SYT1: variants seen among roughly 807,000 people sequenced by gnomAD.
SYT1 encodes synaptotagmin-1.
SYT1 carries 8 observed loss-of-function variants against 44.8 expected under a neutral mutation model. The ratio of observed to expected loss-of-function variants is 0.18; its 90% CI spans 0.10 to 0.32. SYT1 has a LOEUF of 0.32. SYT1 is among the 10% of genes least tolerant of loss of function. The pLI, the probability that SYT1 is intolerant of heterozygous loss-of-function variation, is 1.00. For missense variants in SYT1, 286 were observed against 509.3 expected, an observed-to-expected ratio of 0.56 and a Z score of 4.22; for synonymous variants, 154 against 188.8, an observed-to-expected ratio of 0.82 and a Z score of 1.51.
chr12:78,979,575 T>A (rs1474100232), intron 2 of SYT1, among the ~76,000 whole-genome samples: 1 of 152,134 alleles, frequency 6.6e-6, no homozygotes, highest in African/African-American at 2.4e-5. Flanking sequence ...ATAACTGATA[T>A]GAAAAATAAA....
At chr12:79,229,708 C>T (rs1288976111) in intron 4 of SYT1, among the ~76,000 whole-genome samples, 1 of 151,978 alleles carries the variant, frequency 6.6e-6, no homozygotes, top group Non-Finnish European at 1.5e-5. Flanking sequence ...ATTCTCCTGC[C>T]TTAGTCTCCC....
intron 9 of SYT1, among the ~76,000 whole-genome samples, chr12:79,414,282 G>A (rs1868601420): frequency 6.6e-6 from 1 of 152,182 alleles, no homozygotes; most frequent in Non-Finnish European, 1.5e-5. Flanking sequence ...CTACCAGGAA[G>A]ACAAGTATTT....
intron 9 of SYT1, among the ~76,000 whole-genome samples, chr12:79,424,958 T>C (rs1869356679): frequency 6.7e-6 from 1 of 148,868 alleles, no homozygotes; most frequent in Admixed American, 6.7e-5. Flanking sequence ...TTCTTCTTTT[T>C]TTTTTTTTTT....
chr12:79,121,228 C>A (rs183982232), intron 3 of SYT1, among the ~76,000 whole-genome samples: 7 of 152,186 alleles, frequency 4.6e-5, no homozygotes, highest in African/African-American at 1.7e-4. Context: ...ACACTGCTCA[C>A]CACCCAGAAT....
intron 9 of SYT1, among the ~76,000 whole-genome samples, chr12:79,433,589 T>C (rs1376063512): frequency 6.6e-6 from 1 of 152,192 alleles, no homozygotes; most frequent in African/African-American, 2.4e-5. Flanking sequence ...CCACTTGTAA[T>C]TTTGTTTGCA....
At chr12:79,323,450 CT>C (rs1881462144) in intron 8 of SYT1, among the ~76,000 whole-genome samples, 1 of 152,126 alleles carries the variant, frequency 6.6e-6, no homozygotes, top group Non-Finnish European at 1.5e-5. Flanking sequence ...GTTGACTTTC[CT>C]ATCAGGTACC....
chr12:79,009,925 C>T (rs1187192912), intron 2 of SYT1, among the ~76,000 whole-genome samples: 1 of 152,116 alleles, frequency 6.6e-6, no homozygotes, highest in East Asian at 1.9e-4. Flanking sequence ...CCCCTCATTG[C>T]TGTCACTGTT....
At chr12:79,188,085 G>T (rs1872906852) in intron 3 of SYT1, among the ~76,000 whole-genome samples, 1 of 151,998 alleles carries the variant, frequency 6.6e-6, no homozygotes, top group African/African-American at 2.4e-5. Context: ...CATTATATTG[G>T]TGTCTTGTAA....
chr12:79,000,657 A>C (rs1360548869), intron 2 of SYT1, among the ~76,000 whole-genome samples: 1 of 152,144 alleles, frequency 6.6e-6, no homozygotes, highest in Non-Finnish European at 1.5e-5. Context: ...GGGAAATTAT[A>C]ATTTGTCTGT....
At chr12:78,960,203 G>A (rs944945968) in intron 1 of SYT1, 3 of 152,014 alleles carry the variant, frequency 2.0e-5, no homozygotes, top group African/African-American at 7.2e-5. Flanking sequence ...CTTTTAGGTA[G>A]ATTTCTTTCT....
At chr12:79,324,800 T>C (rs1290868745) in intron 8 of SYT1, among the ~76,000 whole-genome samples, 3 of 151,996 alleles carry the variant, frequency 2.0e-5, no homozygotes, top group African/African-American at 7.2e-5. Flanking sequence ...TTTGTGAATA[T>C]TCCATAACCT....
intron 1 of SYT1, among the ~76,000 whole-genome samples, chr12:78,911,651 C>T (rs1435453763): frequency 6.6e-6 from 1 of 151,848 alleles, no homozygotes; most frequent in Non-Finnish European, 1.5e-5. Context: ...TTCGGGATCC[C>T]AGCAAGGGCT....
At chr12:78,989,683 C>T (rs914102271) in intron 2 of SYT1, among the ~76,000 whole-genome samples, 1 of 152,118 alleles carries the variant, frequency 6.6e-6, no homozygotes. Flanking sequence ...AGAGCTACAG[C>T]AAATGCCCAT....
chr12:79,157,332 C>A (rs990226438), intron 3 of SYT1, among the ~76,000 whole-genome samples: 3 of 152,102 alleles, frequency 2.0e-5, no homozygotes, highest in African/African-American at 2.4e-5. Context: ...AGGTTATGCA[C>A]CTTGGGCAAT....
intron 3 of SYT1, chr12:79,102,889 T>C (rs1245711897): frequency 6.6e-6 from 1 of 151,396 alleles, no homozygotes; most frequent in Non-Finnish European, 1.5e-5. Flanking sequence ...ACCCAACTTT[T>C]TTCTCCACTG....
chr12:79,415,522 T>A (rs555756634), intron 9 of SYT1, among the ~76,000 whole-genome samples: 3 of 152,330 alleles, frequency 2.0e-5, no homozygotes, highest in Admixed American at 6.5e-5. Flanking sequence ...TCCTTGGTTT[T>A]ACCACTTAAA....
chr12:79,391,431 T>C (rs1459962659), intron 9 of SYT1, among the ~76,000 whole-genome samples: 1 of 152,150 alleles, frequency 6.6e-6, no homozygotes, highest in Non-Finnish European at 1.5e-5. Flanking sequence ...AGTTCTAAAA[T>C]GTATACATTG....
Position 78,873,972 on chromosome 12 carries a change from G to A in SYT1, c.-217+8863G>A, listed in dbSNP as rs1281174535. On this transcript the variant is annotated intron_variant, in intron 1 of 10. Transcript: ENST00000261205. ...CTGATTTAAGAAAACAGGAATTTTAGTTGGGAAGGGCCTATAGAAAGAATA... is the reference window on the plus strand; with the variant it reads ...CTGATTTAAGAAAACAGGAATTTTAATTGGGAAGGGCCTATAGAAAGAATA... 4.0e-5 allele frequency among the ~76,000 whole-genome samples: 6 copies of A among 151,628 alleles called. No homozygotes were observed. The East Asian group carries it at 9.7e-4, about 24-fold the overall frequency.
In SYT1 at chr12:79,313,870, T is replaced by C. The variant is rs950171644; in HGVS notation, c.810+14319T>C. On this transcript the variant is annotated intron_variant, in intron 8 of 10. Transcript: ENST00000261205. ...ACAATACTTGGCACCAGAGAAGCTC[T>C]CAAAAAAATATTAGCGGGGCCGGGC... 5.3e-5 allele frequency among the ~76,000 whole-genome samples: 8 copies of C among 152,116 alleles called. 1 individual carries two copies. Among genetic ancestry groups the C allele is most frequent in the African/African-American group, 1.9e-4 (8 of 41,508 alleles).
Sources: allele counts gnomAD v4.1 joint callset (sites outside exome capture counted in the v4.1 genomes callset), GRCh38; gene constraint gnomAD v4.1.1; transcripts MANE v1.5; gene names NCBI Gene and HGNC (gene_info 2026-07-23, HGNC 2026-07-21).